GRID2: variants seen among roughly 807,000 people sequenced by gnomAD.
GRID2 encodes the protein glutamate receptor ionotropic, delta-2.
GRID2 carries 33 observed loss-of-function variants against 114.8 expected under a neutral mutation model. The observed-to-expected ratio is 0.29, with a 90% CI of 0.22 to 0.38. The LOEUF (loss-of-function observed/expected upper bound fraction) is 0.38, where lower values mean the gene tolerates loss of function less well. Ranked by LOEUF, GRID2 falls within the 10% of genes least tolerant of loss-of-function variation. The pLI is 1.00. For synonymous variants in GRID2, 505 were observed against 449.9 expected, an observed-to-expected ratio of 1.12 and a Z score of -1.55; for missense variants, 1,184 against 1,257.7, an observed-to-expected ratio of 0.94 and a Z score of 0.89.
At chr4:93,752,164 G>A (rs1388907996) in intron 14 of GRID2, among the ~76,000 whole-genome samples, 1 of 151,998 alleles carries the variant, frequency 6.6e-6, no homozygotes, top group Non-Finnish European at 1.5e-5. Flanking sequence ...ATAGCTGCCT[G>A]GTATGGAGAA....
At chr4:93,713,074 G>C (rs79189734) in intron 14 of GRID2, among the ~76,000 whole-genome samples, 1 of 151,878 alleles carries the variant, frequency 6.6e-6, no homozygotes, top group Non-Finnish European at 1.5e-5. Flanking sequence ...TTTACCTTTT[G>C]GGTTCTTGAA....
chr4:92,717,319 C>G (rs1735599012), intron 2 of GRID2, among the ~76,000 whole-genome samples: 2 of 152,100 alleles, frequency 1.3e-5, no homozygotes, highest in African/African-American at 4.8e-5. Flanking sequence ...ATTTCAAAGG[C>G]AAGAATAAAC....
At chr4:92,555,437 G>T (rs1352167010) in intron 1 of GRID2, among the ~76,000 whole-genome samples, 1 of 152,106 alleles carries the variant, frequency 6.6e-6, no homozygotes, top group East Asian at 1.9e-4. Flanking sequence ...ATTTCATTAA[G>T]GATAGTGAAA....
chr4:93,502,714 CCCCACACACA>C (rs1242337171), intron 12 of GRID2, among the ~76,000 whole-genome samples: 5 of 132,528 alleles, frequency 3.8e-5, no homozygotes, highest in African/African-American at 1.5e-4. Flanking sequence ...CACTCCCCCC[CCCCACACACA>C]CACGCACACC....
At chr4:93,348,095 A>T (rs1019700386) in intron 8 of GRID2, among the ~76,000 whole-genome samples, 2 of 152,170 alleles carry the variant, frequency 1.3e-5, no homozygotes, top group African/African-American at 4.8e-5. Flanking sequence ...AATGGCACAA[A>T]GATTTGCTAA....
chr4:93,791,147 T>A (rs1228835982), intron 1 of GRID2, among the ~76,000 whole-genome samples: 3 of 152,210 alleles, frequency 2.0e-5, no homozygotes, highest in Admixed American at 6.5e-5. Context: ...TGAAAACATA[T>A]GTGTTAGTCA....
chr4:93,369,024 C>G (rs775443933), intron 8 of GRID2, among the ~76,000 whole-genome samples: 1 of 152,062 alleles, frequency 6.6e-6, no homozygotes, highest in Non-Finnish European at 1.5e-5. Context: ...GTGACTTGTT[C>G]CCTGACTATC....
intron 10 of GRID2, among the ~76,000 whole-genome samples, chr4:93,427,633 A>T (rs141461660): frequency 1.3e-3 from 191 of 152,136 alleles, no homozygotes; most frequent in Non-Finnish European, 2.2e-3. Flanking sequence ...CTCATGTTAG[A>T]GAGCTTTCTC....
At chr4:92,599,834 A>C (rs928922636) in intron 2 of GRID2, among the ~76,000 whole-genome samples, 2 of 151,634 alleles carry the variant, frequency 1.3e-5, no homozygotes, top group Admixed American at 6.6e-5. Flanking sequence ...AGACCATTCT[A>C]GCCAACACGG....
chr4:93,686,309 C>T (rs1000202935), intron 14 of GRID2, among the ~76,000 whole-genome samples: 3 of 151,864 alleles, frequency 2.0e-5, no homozygotes, highest in Non-Finnish European at 2.9e-5. Flanking sequence ...ATATCTCATA[C>T]GTATCTCCTT....
At chr4:93,783,399 G>A (rs1734521399) in intron 1 of GRID2, among the ~76,000 whole-genome samples, 1 of 152,182 alleles carries the variant, frequency 6.6e-6, no homozygotes, top group African/African-American at 2.4e-5. Flanking sequence ...CCTCCTCAAT[G>A]GGCTATTTCA....
At chr4:93,531,850 T>C in intron 13 of GRID2, among the ~76,000 whole-genome samples, 1 of 152,260 alleles carries the variant, frequency 6.6e-6, no homozygotes, top group Admixed American at 6.6e-5. Context: ...ATTTTTATTT[T>C]TCATATTTAT....
intron 13 of GRID2, among the ~76,000 whole-genome samples, chr4:93,620,121 A>G (rs1742076922): frequency 6.6e-6 from 1 of 152,264 alleles, no homozygotes; most frequent in Non-Finnish European, 1.5e-5. Context: ...TGTAAAGAAC[A>G]AATAAATGTG....
At chr4:93,372,800 T>G (rs1362647499) in intron 8 of GRID2, among the ~76,000 whole-genome samples, 1 of 152,142 alleles carries the variant, frequency 6.6e-6, no homozygotes, top group East Asian at 1.9e-4. Flanking sequence ...TATATGACTG[T>G]GAGAAGATAG....
intron 12 of GRID2, among the ~76,000 whole-genome samples, chr4:93,511,300 T>C (rs1398068389): frequency 6.6e-6 from 1 of 152,190 alleles, no homozygotes; most frequent in East Asian, 1.9e-4. Flanking sequence ...TACAGAAACC[T>C]AAAGCCACTC....
chr4:93,269,812 G>A (rs1178796336), intron 8 of GRID2, among the ~76,000 whole-genome samples: 1 of 152,090 alleles, frequency 6.6e-6, no homozygotes, highest in Non-Finnish European at 1.5e-5. Context: ...CTGGACACTA[G>A]GCAATGGAAA....
At chr4:92,382,319 T>C (rs1368431972) in intron 1 of GRID2, among the ~76,000 whole-genome samples, 1 of 151,988 alleles carries the variant, frequency 6.6e-6, no homozygotes, top group African/African-American at 2.4e-5. Context: ...GTGTGCTTGT[T>C]GGATAGCTGC....
intron 8 of GRID2, among the ~76,000 whole-genome samples, chr4:93,380,469 C>T (rs902979964): frequency 2.0e-5 from 3 of 150,498 alleles, no homozygotes; most frequent in African/African-American, 4.9e-5. Context: ...GAAAGCAAGT[C>T]GTGATCTAGT....
At chr4:93,769,171 A>C (rs1553999989) in intron 14 of GRID2, 39 bp from the exon 15 acceptor site, 1 of 1,606,458 alleles carries the variant, frequency 6.2e-7, no homozygotes, top group African/African-American at 1.3e-5. Flanking sequence ...GGCGATAACT[A>C]TGTCTGTAAT....
Sources: gnomAD v4.1 joint callset for allele counts (sites outside exome capture counted in the v4.1 genomes callset) on GRCh38, gnomAD v4.1.1 for gene constraint, MANE v1.5 for transcripts, NCBI Gene and HGNC (gene_info 2026-07-23, HGNC 2026-07-21) for gene names.